Variants in MCM7 observed in about 807,000 individuals in gnomAD.
MCM7 encodes minichromosome maintenance complex component 7.
A neutral mutation model predicts 83.5 loss-of-function variants in MCM7; 95 were observed. The observed-to-expected ratio is 1.14, with a 90% confidence interval of 0.96 to 1.35. The LOEUF (loss-of-function observed/expected upper bound fraction) is 1.35. MCM7 is among the 40% of genes most tolerant of loss of function. The pLI, the probability that MCM7 is intolerant of heterozygous loss-of-function variation, is 0.00. For missense variants in MCM7, 1,087 were observed against 957.4 expected, an observed-to-expected ratio of 1.14 and a Z score of -1.79; for synonymous variants, 461 against 352.7, an observed-to-expected ratio of 1.31 and a Z score of -3.44.
intron 2 of MCM7, 41 bp from the exon 3 acceptor site, chr7:100,099,794 C>A: frequency 9.3e-6 from 15 of 1,607,928 alleles, no homozygotes; most frequent in South Asian, 1.1e-5. Flanking sequence ...GAGCCACATT[C>A]ACTTTGCTCA....
Position 100,095,971 on chromosome 7 carries a change from G to A in MCM7, c.1398C>T (p.Thr466=), listed in dbSNP as rs1327250327. 1.9e-6 allele frequency: 3 copies of A among 1,613,904 alleles called. No individual in the cohort carries two copies. Among genetic ancestry groups the A allele is most frequent in the Non-Finnish European group, 2.5e-6 (3 of 1,179,998 alleles). The change falls in exon 11 of 15, where the codon ACC becomes ACT. Residue 466 remains threonine, a synonymous_variant. Coordinates refer to ENST00000303887, the MANE Select transcript of MCM7 (RefSeq NM_005916.5). ...GAATGCCGGCCTTGGCAATGGAGAT[G>A]GTCTGCTGCTCCATGACCTCGTGGA... ...TAIHEVMEQQ[T]ISIAKAGILT...
rs1562890528 is a variant in MCM7 at position 100,092,835 on chromosome 7, G to A, written c.*97C>T. On this transcript the variant is annotated 3_prime_UTR_variant, in exon 15 of 15. Transcript: ENST00000303887. ...AGGAGTAAGTGCAGCATGGGAGAAA[G>A]AGGGGCTCCTCCTTCCCCTCAAAGG... The A allele has an allele frequency of 7.0e-6, 9 of 1,285,724 alleles. No homozygotes were observed. Among genetic ancestry groups the A allele is most frequent in the African/African-American group, 2.9e-5 (2 of 67,904 alleles). 79.6% of individuals were successfully genotyped at this position (1,285,724 alleles called of 1,614,324 possible).
At chr7:100,099,439 G>T in intron 3 of MCM7, 36 bp from the exon 4 acceptor site, 1 of 1,397,242 alleles carries the variant, frequency 7.2e-7, no homozygotes. Context: ...AAAAAAAAGA[G>T]CAACAGGATG....
chr7:100,099,385 G>C lies in MCM7; in HGVS notation c.295C>G (p.Leu99Val). 2 of 1,589,902 alleles carry C rather than the reference G, an allele frequency of 1.3e-6. No homozygotes were observed. Among genetic ancestry groups the C allele is most frequent in the Non-Finnish European group, 1.7e-6 (2 of 1,164,898 alleles). The stretch of plus-strand genomic sequence containing the variant: ...AGCCGATGCTCAATGTAAACGTCCA[G>C]GACATCTTTATTTACCACCTAAAGG... ...KEREVVNKDV[L>V]DVYIEHRLMM... is the part of the protein sequence containing the mutation. The change falls in exon 4 of 15, where the codon CTG becomes GTG. Residue 99 changes from leucine to valine, a missense_variant. Physicochemically the swap from Leu to Val is conservative, Grantham distance 32 (BLOSUM62 1). Transcript: ENST00000303887.
chr7:100,092,801 A>T lies in MCM7; in HGVS notation c.*131T>A. On this transcript the variant is annotated 3_prime_UTR_variant, in exon 15 of 15. Coordinates refer to ENST00000303887, the MANE Select transcript of MCM7 (RefSeq NM_005916.5). Reference sequence around the variant, plus strand: ...AAGATGACAATCTACAAACACTTTTATTAGCAAAAGGAGTAAGTGCAGCAT... The same window carrying T: ...AAGATGACAATCTACAAACACTTTTTTTAGCAAAAGGAGTAAGTGCAGCAT... The T allele has an allele frequency of 1.1e-6, 1 of 926,184 alleles. No homozygotes were observed. The highest frequency in any genetic ancestry group is 1.6e-6 in the Non-Finnish European group (1 of 606,584). The allele number at this position is 926,184 out of a possible 1,614,324, so 57.4% of individuals were successfully genotyped here. A position where few individuals can be genotyped will look rare whatever the true frequency, so the allele number is the denominator to read the frequency against.
intron 3 of MCM7, 53 bp downstream of exon 3, chr7:100,099,536 A>G: frequency 6.2e-7 from 1 of 1,603,356 alleles, no homozygotes; most frequent in Non-Finnish European, 8.5e-7. Flanking sequence ...CAGCCTCTCT[A>G]CAGAAGCTTA....
intron 6 of MCM7, 36 bp downstream of exon 6, chr7:100,098,542 G>A (rs1297881524): frequency 5.0e-6 from 8 of 1,611,492 alleles, no homozygotes; most frequent in East Asian, 2.2e-5. Flanking sequence ...GTGGACTCCC[G>A]ATCCACCTGC....
At chr7:100,094,021 C>T (rs1430806517) in intron 13 of MCM7, 152 bp downstream of exon 13, 7 of 976,510 alleles carry the variant, frequency 7.2e-6, no homozygotes, top group Non-Finnish European at 1.2e-5. Flanking sequence ...ACCCACAGTG[C>T]GGTAGCACGG....
At chr7:100,100,285 T>G in intron 1 of MCM7, 192 bp from the exon 2 acceptor site, 1 of 1,363,142 alleles carries the variant, frequency 7.3e-7, no homozygotes, top group South Asian at 1.5e-5. Context: ...AAAGAGCCCG[T>G]GGCAGTGCAC....
intron 4 of MCM7, 24 bp from the exon 5 acceptor site, chr7:100,099,227 A>G: frequency 6.2e-7 from 1 of 1,614,026 alleles, no homozygotes; most frequent in Non-Finnish European, 8.5e-7. Context: ...ACAGTCACAA[A>G]CAAGATCCTG....
rs551241272 is a variant in MCM7 at position 100,097,983 on chromosome 7, C to G, written c.871-35G>C. On this transcript the variant is annotated intron_variant, in intron 7 of 14. Transcript: ENST00000303887. ...GAAAATGCCAGGATACAGATGTAAT[C>G]CCTTCAACTTGCCCATCACTGGATT... 3.3e-5 allele frequency: 53 copies of G among 1,598,538 alleles called. No homozygotes were observed. In the South Asian group the frequency reaches 5.6e-4, roughly 17 times the overall value.
rs749189763 is a variant in MCM7 at position 100,099,418 on chromosome 7, C to CAAAAAAAAAAAAAAAAAAAAAA, written c.277-16_277-15insTTTTTTTTTTTTTTTTTTTTTT. 70 of 1,305,462 alleles carry CAAAAAAAAAAAAAAAAAAAAAA rather than the reference C, an allele frequency of 5.4e-5. No homozygotes were observed. Among genetic ancestry groups the CAAAAAAAAAAAAAAAAAAAAAA allele is most frequent in the East Asian group, 1.6e-4 (6 of 37,260 alleles). The allele number at this position is 1,305,462 out of a possible 1,614,324, so 80.9% of individuals were successfully genotyped here. A position where few individuals can be genotyped will look rare whatever the true frequency, so the allele number is the denominator to read the frequency against. Reference sequence around the variant, plus strand: ...TTATTTACCACCTAAAGGAGAAGAACAAAAAAAAAAAAAAAAAAGAGCAAC... The same window carrying CAAAAAAAAAAAAAAAAAAAAAA: ...TTATTTACCACCTAAAGGAGAAGAACAAAAAAAAAAAAAAAAAAAAAAAAAAAAAAAAAAAAAAAAGAGCAAC... On this transcript the variant is annotated splice_polypyrimidine_tract_variant and intron_variant, in intron 3 of 14. Transcript: ENST00000303887.
intron 12 of MCM7, 97 bp downstream of exon 12, chr7:100,095,290 G>T: frequency 3.0e-6 from 3 of 1,014,174 alleles, no homozygotes; most frequent in Non-Finnish European, 4.6e-6. Context: ...GGGAAGTGGT[G>T]GTGTGAAAAA....
chr7:100,100,166 C>T, intron 1 of MCM7, 73 bp from the exon 2 acceptor site: 1 of 1,576,968 alleles, frequency 6.3e-7, no homozygotes. Flanking sequence ...TCGCTTAAAA[C>T]ACGACCTATG....
chr7:100,093,186 C>T, intron 14 of MCM7, 53 bp from the exon 15 acceptor site: 3 of 1,603,144 alleles, frequency 1.9e-6, no homozygotes, highest in South Asian at 1.1e-5. Context: ...GAATGCTCGA[C>T]ATCAACAGAG....
chr7:100,098,415 G>T, intron 6 of MCM7, 125 bp from the exon 7 acceptor site: 1 of 1,480,776 alleles, frequency 6.8e-7, no homozygotes. Flanking sequence ...CAGGGGTGCT[G>T]AGACCTCCTT....
chr7:100,095,352 G>A (rs375341840), intron 12 of MCM7, 35 bp downstream of exon 12: 80 of 1,586,008 alleles, frequency 5.0e-5, no homozygotes, highest in African/African-American at 4.2e-4. Flanking sequence ...CACGGCCCAC[G>A]CCAACGTTTG....
chr7:100,100,341 G>A (rs1795908137), intron 1 of MCM7: 1 of 1,165,438 alleles, frequency 8.6e-7, no homozygotes, highest in African/African-American at 1.6e-5. Flanking sequence ...CCCTACTTTA[G>A]TTTAAAATTC....
chr7:100,099,435 A>G (rs79560809), intron 3 of MCM7, 32 bp from the exon 4 acceptor site: 3 of 1,575,714 alleles, frequency 1.9e-6, no homozygotes, highest in Middle Eastern at 1.8e-4. Context: ...AAAAAAAAAA[A>G]AGAGCAACAG....
Sources: allele counts gnomAD v4.1 joint callset, GRCh38; gene constraint gnomAD v4.1.1; transcripts MANE v1.5; gene names NCBI Gene and HGNC (gene_info 2026-07-23, HGNC 2026-07-21).